Variants in EVI5L observed in about 807,000 individuals in gnomAD.
EVI5L encodes EVI5-like protein.
A neutral mutation model predicts 106.1 loss-of-function variants in EVI5L; 30 were observed. That is an observed-to-expected ratio of 0.28 (90% CI 0.21 to 0.38). EVI5L has a LOEUF of 0.38. Among genes scored for constraint, EVI5L ranks in the 10% least tolerant of loss-of-function variants. The pLI is 1.00. For synonymous variants in EVI5L, 489 were observed against 483.3 expected, an observed-to-expected ratio of 1.01 and a Z score of -0.15; for missense variants, 809 against 1,098.0, an observed-to-expected ratio of 0.74 and a Z score of 3.72.
chr19:7,834,859 C>T (rs980723125), intron 1 of EVI5L, among the ~76,000 whole-genome samples: 1 of 152,172 alleles, frequency 6.6e-6, no homozygotes, highest in East Asian at 1.9e-4. Flanking sequence ...GGTGCAGTGG[C>T]TCACGCCTAT....
rs375186729 is a variant in EVI5L at position 7,862,955 on chromosome 19, C to T, written c.1948-17C>T. 1.3e-6 allele frequency: 2 copies of T among 1,531,558 alleles called. No homozygotes were observed. Among genetic ancestry groups the T allele is most frequent in the South Asian group, 2.4e-5 (2 of 83,070 alleles). 94.9% of individuals were successfully genotyped at this position (1,531,558 alleles called of 1,614,324 possible). A position where few individuals can be genotyped will look rare whatever the true frequency, so the allele number is the denominator to read the frequency against. ...CCCCTGACCCGCCCTCCTTTCCCCC[C>T]AATCCCCCGACCCCAGAGCAAGGAG... On this transcript the variant is annotated splice_polypyrimidine_tract_variant and intron_variant, in intron 17 of 19. Transcript: ENST00000538904.
In EVI5L at chr19:7,861,899, G is replaced by T; in HGVS notation, c.1525G>T (p.Glu509Ter). 6.4e-7 allele frequency: 1 copy of T among 1,551,172 alleles called. No homozygotes were observed. Among genetic ancestry groups the T allele is most frequent in the Non-Finnish European group, 8.7e-7 (1 of 1,147,480 alleles). ...GCAGAGGAACAGCTCGCTGCCCGAC[G>T]AGAACAATGTGGCGCAGCTGCAGGA... ...MEKRNSSLPD[E>*]NNVAQLQEEL... Residue 509 changes from glutamate to a stop codon, truncating the protein, a stop_gained, in exon 15 of 20, where the codon GAG becomes TAG. Transcript: ENST00000538904. LOFTEE classifies it high-confidence loss of function.
intron 10 of EVI5L, among the ~76,000 whole-genome samples, 173 bp from the exon 11 acceptor site, chr19:7,855,842 G>A (rs771756655): frequency 5.9e-5 from 9 of 152,214 alleles, no homozygotes; most frequent in Non-Finnish European, 1.0e-4. Context: ...GTCTGAACAG[G>A]AATTGGCCCT....
rs1348644186 is a variant in EVI5L at position 7,849,343 on chromosome 19, G to C, written c.627+13G>C. 6.2e-7 allele frequency: 1 copy of C among 1,613,640 alleles called. No individual in the cohort carries two copies. The highest frequency in any genetic ancestry group is 1.3e-5 in the African/African-American group (1 of 75,070). ...GCTCCTCATGCAGGTAGGTGGCTGGGGGGTGGCTGGGCTCCTGCCAGACAA... is the reference window on the plus strand; with the variant it reads ...GCTCCTCATGCAGGTAGGTGGCTGGCGGGTGGCTGGGCTCCTGCCAGACAA... On this transcript the variant is annotated intron_variant, in intron 5 of 19. Transcript: ENST00000538904.
chr19:7,833,059 A>G (rs1453311969), intron 1 of EVI5L, among the ~76,000 whole-genome samples: 1 of 152,230 alleles, frequency 6.6e-6, no homozygotes, highest in Non-Finnish European at 1.5e-5. Context: ...TCCCAGGATG[A>G]CTGTGAACTC....
rs760741705 is a variant in EVI5L at position 7,856,959 on chromosome 19, CCTCT to C, written c.1201-129_1201-126del. 4.3e-6 allele frequency: 4 copies of C among 925,718 alleles called. No homozygotes were observed. Among genetic ancestry groups the C allele is most frequent in the Non-Finnish European group, 6.9e-6 (4 of 582,572 alleles). The allele number at this position is 925,718 out of a possible 1,614,324, so 57.3% of individuals were successfully genotyped here. On this transcript the variant is annotated intron_variant, in intron 11 of 19. Transcript: ENST00000538904. This position sits in a 1 kb window ranked among gnomAD's most constrained non-coding sequence, Gnocchi z 6.6. The stretch of plus-strand genomic sequence containing the variant: ...TCCTGCTGGTTCTCTGGTCTTCCCT[CCTCT>C]CTCCCCCGCTTCTAGAGATAGTCCA...
intron 8 of EVI5L, among the ~76,000 whole-genome samples, chr19:7,852,301 G>C (rs1211013858): frequency 6.6e-6 from 1 of 152,222 alleles, no homozygotes; most frequent in East Asian, 1.9e-4. Flanking sequence ...GTGCTTCAGG[G>C]AAGAATGCAC....
intron 5 of EVI5L, 75 bp from the exon 6 acceptor site, chr19:7,849,922 A>T: frequency 8.0e-7 from 1 of 1,247,194 alleles, no homozygotes; most frequent in Non-Finnish European, 1.1e-6. Flanking sequence ...CCTGTACCCC[A>T]GGGCCCTGAT....
intron 10 of EVI5L, among the ~76,000 whole-genome samples, chr19:7,855,723 G>T (rs1979487644): frequency 6.6e-6 from 1 of 152,250 alleles, no homozygotes; most frequent in Non-Finnish European, 1.5e-5. Flanking sequence ...TTCTGAGGGG[G>T]CGTGGGTACT....
Position 7,862,399 on chromosome 19 carries a change from C to T in EVI5L, c.1812C>T (p.His604=). ...CCTCCCTATCCCAGGACCACATCCA[C>T]CGCAACCTTCTGAACCGCGTGGAGG... ...VVELETQDHI[H]RNLLNRVEAE... Residue 604 remains histidine, a synonymous_variant, in exon 17 of 20, where the codon CAC becomes CAT. Transcript: ENST00000538904. 6.2e-7 allele frequency: 1 copy of T among 1,606,088 alleles called. No homozygotes were observed. Among genetic ancestry groups the T allele is most frequent in the Non-Finnish European group, 8.5e-7 (1 of 1,176,330 alleles).
chr19:7,838,079 A>G (rs557328), intron 1 of EVI5L, among the ~76,000 whole-genome samples: 86,058 of 149,808 alleles, frequency 0.57, 24,845 homozygotes, highest in South Asian at 0.77. Flanking sequence ...TGGTGTGTTT[A>G]TTTTTTTTTT....
intron 1 of EVI5L, among the ~76,000 whole-genome samples, chr19:7,838,154 G>C (rs1457007084): frequency 2.6e-5 from 4 of 151,706 alleles, no homozygotes; most frequent in African/African-American, 4.8e-5. Context: ...TGTCACCCAG[G>C]CTGGAGTGCA....
In EVI5L at chr19:7,862,982, A is replaced by T; in HGVS notation, c.1958A>T (p.Glu653Val). The stretch of plus-strand genomic sequence containing the variant: ...ATCCCCCGACCCCAGAGCAAGGAGG[A>T]GGTGATGGCTGTGCGACTGCGGGAG... Reference protein sequence around the residue: ...QAEAECKSKEEVMAVRLREAD... With the variant: ...QAEAECKSKEVVMAVRLREAD... Residue 653 changes from glutamate to valine, a missense_variant, in exon 18 of 20, where the codon GAG (glutamate) becomes GTG (valine). Transcript: ENST00000538904. 6.4e-7 allele frequency: 1 copy of T among 1,561,768 alleles called. No individual in the cohort carries two copies. The highest frequency in any genetic ancestry group is 1.2e-5 in the South Asian group (1 of 85,684).
In EVI5L at chr19:7,838,190, C is replaced by T. The variant is rs1338640147; in HGVS notation, c.-48+7809C>T. 2.0e-5 allele frequency among the ~76,000 whole-genome samples: 3 copies of T among 151,992 alleles called. No individual in the cohort carries two copies. The South Asian group carries it at 6.2e-4, about 32-fold the overall frequency. On this transcript the variant is annotated intron_variant, in intron 1 of 19. Transcript: ENST00000538904. ...GTCGTGCAATCTCGGCTCACTGCAA[C>T]TTCCGCCTCCTGGGTTCATGCCATT... is the stretch of plus-strand genomic sequence containing the variant.
At chr19:7,839,334 G>A (rs1313682538) in intron 1 of EVI5L, among the ~76,000 whole-genome samples, 3 of 151,798 alleles carry the variant, frequency 2.0e-5, no homozygotes, top group Non-Finnish European at 4.4e-5. Context: ...CCGGGTCTTG[G>A]AGAATGCCCT....
chr19:7,857,987 C>T lies in EVI5L; in HGVS notation c.1234-204C>T. 1.7e-6 allele frequency: 1 copy of T among 594,122 alleles called. No individual in the cohort carries two copies. Among genetic ancestry groups the T allele is most frequent in the Non-Finnish European group, 3.0e-6 (1 of 337,774 alleles). 36.8% of individuals were successfully genotyped at this position (594,122 alleles called of 1,614,324 possible). A position where few individuals can be genotyped will look rare whatever the true frequency, so the allele number is the denominator to read the frequency against. On this transcript the variant is annotated intron_variant, in intron 12 of 19. Coordinates refer to ENST00000538904, the MANE Select transcript of EVI5L (RefSeq NM_001159944.3). The surrounding 1 kb of genome is among the most constrained non-coding windows in gnomAD (Gnocchi z 4.5). Reference sequence around the variant, plus strand: ...GGCTAGCTCTGTTCCTCCCGGGCTCCTCCAGGTGTCCTATTCCTGCCTGTC... The same window carrying T: ...GGCTAGCTCTGTTCCTCCCGGGCTCTTCCAGGTGTCCTATTCCTGCCTGTC...
In EVI5L at chr19:7,857,251, GCTGGGGACCGCTT is replaced by G. The variant is rs1189022898; in HGVS notation, c.1233+134_1233+146del. On this transcript the variant is annotated intron_variant, in intron 12 of 19. Coordinates refer to ENST00000538904, the MANE Select transcript of EVI5L (RefSeq NM_001159944.3). The surrounding 1 kb of genome is among the most constrained non-coding windows in gnomAD (Gnocchi z 4.5). ...CAGGCCTGGCGCCATGCATGGAGCA[GCTGGGGACCGCTT>G]CTGGGGGACACAGAGGCTTCCCGGG... 7.8e-6 allele frequency: 10 copies of G among 1,279,606 alleles called. No individual in the cohort carries two copies. In the Admixed American group the frequency reaches 1.2e-4, roughly 15 times the overall value. The allele number at this position is 1,279,606 out of a possible 1,614,324, so 79.3% of individuals were successfully genotyped here.
intron 1 of EVI5L, among the ~76,000 whole-genome samples, chr19:7,833,458 T>G (rs1234057841): frequency 6.6e-6 from 1 of 152,238 alleles, no homozygotes; most frequent in African/African-American, 2.4e-5. Context: ...GCCTGAGGCC[T>G]GCTGCGGGGA....
At chr19:7,862,621 C>G in intron 17 of EVI5L, 87 bp downstream of exon 17, 4 of 1,209,470 alleles carry the variant, frequency 3.3e-6, no homozygotes, top group Non-Finnish European at 4.3e-6. Flanking sequence ...CCGCCTCTGC[C>G]GGCGTCCTGC....
Sources: gnomAD v4.1 joint callset for allele counts (sites outside exome capture counted in the v4.1 genomes callset) on GRCh38, gnomAD v4.1.1 for gene constraint, Gnocchi (gnomAD v3.1) non-coding constraint, MANE v1.5 for transcripts, NCBI Gene and HGNC (gene_info 2026-07-23, HGNC 2026-07-21) for gene names.